Variants in COL23A1 observed in about 807,000 individuals in gnomAD.
The protein encoded by COL23A1 is collagen alpha-1(XXIII) chain.
Under a neutral mutation model 99.3 loss-of-function variants are expected in COL23A1, and 97 were observed. The ratio of observed to expected loss-of-function variants is 0.98; its 90% CI spans 0.83 to 1.16. COL23A1 has a LOEUF of 1.16. Among genes scored for constraint, COL23A1 ranks in the 50% most tolerant of loss-of-function variants. The pLI is 0.00. For synonymous variants in COL23A1, 320 were observed against 308.2 expected, an observed-to-expected ratio of 1.04 and a Z score of -0.40; for missense variants, 762 against 757.4, an observed-to-expected ratio of 1.01 and a Z score of -0.07.
intron 8 of COL23A1, chr5:178,265,865 T>C (rs1755863221): frequency 5.4e-6 from 1 of 186,560 alleles, no homozygotes; most frequent in Admixed American, 6.5e-5. Context: ...GCAGACTCCT[T>C]CTCCAAGGAT....
rs2127813158 is a variant in COL23A1 at position 178,428,865 on chromosome 5, G to C, written c.362-121946C>G. ...CTCTGCCCCTGGAGTGGTGCCTCGT[G>C]GGGGTGGGGGCAGGGCTGCCTTTGC... On this transcript the variant is annotated intron_variant, in intron 2 of 28. Coordinates refer to ENST00000390654, the MANE Select transcript of COL23A1 (RefSeq NM_173465.4). The surrounding 1 kb of genome is among the most constrained non-coding windows in gnomAD (Gnocchi z 5.0). 6.6e-6 allele frequency among the ~76,000 whole-genome samples: 1 copy of C among 152,270 alleles called. No individual in the cohort carries two copies. The highest frequency in any genetic ancestry group is 2.1e-4 in the South Asian group (1 of 4,828).
rs535285195 is a variant in COL23A1, at chr5:178,322,095, C to A, written c.362-15176G>T. ...GCAACCTCCGCCTCCTGAGTTCAAG[C>A]GATTCTCCTGCCTCAGCCTCCCAAG... is the stretch of plus-strand genomic sequence containing the variant. On this transcript the variant is annotated intron_variant, in intron 2 of 28. Transcript: ENST00000390654. 5.3e-5 allele frequency among the ~76,000 whole-genome samples: 8 copies of A among 151,492 alleles called. No homozygotes were observed. The South Asian group carries it at 1.3e-3, about 24-fold the overall frequency.
intron 2 of COL23A1, among the ~76,000 whole-genome samples, chr5:178,465,361 T>A (rs1337261248): frequency 1.3e-5 from 2 of 152,182 alleles, no homozygotes; most frequent in African/African-American, 4.8e-5. Flanking sequence ...CCGGACTCCC[T>A]AAAACTGGAG....
chr5:178,518,182 A>G (rs1759669882), intron 2 of COL23A1, among the ~76,000 whole-genome samples: 1 of 141,484 alleles, frequency 7.1e-6, no homozygotes, highest in Non-Finnish European at 1.5e-5. Context: ...GAGTGGACAC[A>G]GCACATGTTT....
At chr5:178,457,673 C>T (rs1181023157) in intron 2 of COL23A1, among the ~76,000 whole-genome samples, 2 of 152,140 alleles carry the variant, frequency 1.3e-5, no homozygotes, top group Non-Finnish European at 1.5e-5. Context: ...ACTTAAATTG[C>T]GTTTGGTAAC....
At chr5:178,321,713 T>C (rs190781928) in intron 2 of COL23A1, among the ~76,000 whole-genome samples, 1 of 151,870 alleles carries the variant, frequency 6.6e-6, no homozygotes. Flanking sequence ...ATGGTCTCTA[T>C]CTCCCGACCT....
At chr5:178,437,404 G>A (rs143349428) in intron 2 of COL23A1, among the ~76,000 whole-genome samples, 292 of 152,294 alleles carry the variant, frequency 1.9e-3, no homozygotes, top group Non-Finnish European at 3.4e-3. Flanking sequence ...GAACTGAGCC[G>A]GGTCCAGGGA....
At chr5:178,547,980 A>C (rs1581614305) in intron 2 of COL23A1, among the ~76,000 whole-genome samples, 1 of 22,892 alleles carries the variant, frequency 4.4e-5, no homozygotes, top group Non-Finnish European at 7.9e-5. Flanking sequence ...ACATACCCAC[A>C]CCCACCCCCC....
intron 2 of COL23A1, among the ~76,000 whole-genome samples, chr5:178,516,094 C>T (rs555101644): frequency 2.3e-4 from 35 of 152,284 alleles, no homozygotes; most frequent in African/African-American, 7.9e-4. Context: ...AAATACTCCA[C>T]GGCACCCTGG....
At chr5:178,426,661 TG>T (rs1765955813) in intron 2 of COL23A1, among the ~76,000 whole-genome samples, 1 of 152,146 alleles carries the variant, frequency 6.6e-6, no homozygotes, top group African/African-American at 2.4e-5. Flanking sequence ...AGCAGCCATT[TG>T]AAGACCGGAC....
At chr5:178,288,856 T>C (rs1016536893) in intron 4 of COL23A1, among the ~76,000 whole-genome samples, 1 of 152,202 alleles carries the variant, frequency 6.6e-6, no homozygotes, top group African/African-American at 2.4e-5. Flanking sequence ...CCTGGAGCAG[T>C]GACCACCCTG....
At chr5:178,272,022 A>G (rs1435970671) in intron 5 of COL23A1, among the ~76,000 whole-genome samples, 1 of 152,152 alleles carries the variant, frequency 6.6e-6, no homozygotes, top group Non-Finnish European at 1.5e-5. Context: ...GCCCAGCATC[A>G]GGGTCCTCTG....
intron 2 of COL23A1, among the ~76,000 whole-genome samples, chr5:178,485,357 C>T (rs1757564803): frequency 6.6e-6 from 1 of 151,534 alleles, no homozygotes; most frequent in Non-Finnish European, 1.5e-5. Flanking sequence ...TGCCTGTAGT[C>T]CCAGCTACTT....
intron 3 of COL23A1, among the ~76,000 whole-genome samples, chr5:178,297,797 A>G (rs1757825722): frequency 2.0e-5 from 3 of 152,126 alleles, no homozygotes; most frequent in Admixed American, 2.0e-4. Flanking sequence ...CATGTGCTGA[A>G]TGGATGAGGG....
At chr5:178,269,346 TCCACCCACCCACCC>T (rs1756099090) in intron 6 of COL23A1, among the ~76,000 whole-genome samples, 1 of 45,144 alleles carries the variant, frequency 2.2e-5, no homozygotes, top group Non-Finnish European at 7.8e-5. Flanking sequence ...CATCCATCCA[TCCACCCACCCACCC>T]ATCCACCCAC....
At chr5:178,541,224 C>T (rs1761265569) in intron 2 of COL23A1, among the ~76,000 whole-genome samples, 1 of 152,146 alleles carries the variant, frequency 6.6e-6, no homozygotes. Flanking sequence ...ACAGAAAATC[C>T]AAGTGTTGGG....
chr5:178,538,375 T>C (rs1253903739), intron 2 of COL23A1, among the ~76,000 whole-genome samples: 2 of 152,162 alleles, frequency 1.3e-5, no homozygotes, highest in Non-Finnish European at 2.9e-5. Context: ...AATGATGGGG[T>C]AGAAAAATGA....
intron 2 of COL23A1, among the ~76,000 whole-genome samples, chr5:178,314,237 G>C (rs1758858925): frequency 1.3e-5 from 2 of 151,438 alleles, no homozygotes; most frequent in South Asian, 4.2e-4. Context: ...GTCCCCCCCA[G>C]AGTCATCTTC....
At chr5:178,431,308 C>T (rs1431930194) in intron 2 of COL23A1, among the ~76,000 whole-genome samples, 3 of 152,164 alleles carry the variant, frequency 2.0e-5, no homozygotes, top group Non-Finnish European at 4.4e-5. Context: ...GTTCTGGGGG[C>T]AGACACCTCT....
Sources: allele counts gnomAD v4.1 joint callset (sites outside exome capture counted in the v4.1 genomes callset), GRCh38; gene constraint gnomAD v4.1.1; non-coding constraint Gnocchi (gnomAD v3.1); transcripts MANE v1.5; gene names NCBI Gene and HGNC (gene_info 2026-07-23, HGNC 2026-07-21).